KATNAL1: variants seen among roughly 807,000 people sequenced by gnomAD.
KATNAL1 encodes katanin catalytic subunit A1 like 1.
Under a neutral mutation model 55.2 loss-of-function variants are expected in KATNAL1, and 32 were observed. The observed-to-expected ratio is 0.58, with a 90% CI of 0.44 to 0.78. KATNAL1 has a LOEUF of 0.78. KATNAL1 is among the 30% of genes least tolerant of loss of function. KATNAL1 has a pLI of 0.00. For missense variants in KATNAL1, 466 were observed against 600.9 expected, an observed-to-expected ratio of 0.78 and a Z score of 2.35; for synonymous variants, 193 against 193.6, an observed-to-expected ratio of 1.00 and a Z score of 0.02.
intron 3 of KATNAL1, among the ~76,000 whole-genome samples, chr13:30,274,888 CAT>C (rs1328631440): frequency 1.7e-5 from 2 of 115,812 alleles, no homozygotes; most frequent in Admixed American, 1.9e-4. Context: ...TGTGCACACA[CAT>C]ACGCGCGCGC....
intron 10 of KATNAL1, among the ~76,000 whole-genome samples, 183 bp downstream of exon 10, chr13:30,210,133 T>C (rs1432192492): frequency 4.0e-5 from 6 of 151,054 alleles, no homozygotes; most frequent in African/African-American, 1.5e-4. Context: ...CTATATAATT[T>C]TCATCTCACA....
At chr13:30,212,294 T>C (rs907135080) in intron 9 of KATNAL1, among the ~76,000 whole-genome samples, 10 of 152,206 alleles carry the variant, frequency 6.6e-5, no homozygotes, top group Non-Finnish European at 1.3e-4. Flanking sequence ...TTGTAACATA[T>C]ATAAGCAACC....
intron 4 of KATNAL1, among the ~76,000 whole-genome samples, chr13:30,242,917 T>C (rs1877418893): frequency 6.6e-6 from 1 of 152,176 alleles, no homozygotes; most frequent in Non-Finnish European, 1.5e-5. Context: ...GGGTGACAGT[T>C]ATTCTTCATA....
intron 3 of KATNAL1, among the ~76,000 whole-genome samples, chr13:30,256,821 G>A (rs1878837830): frequency 6.6e-6 from 1 of 152,180 alleles, no homozygotes; most frequent in African/African-American, 2.4e-5. Context: ...GTCTATCTAT[G>A]AGGTAAACAT....
chr13:30,279,731 G>A (rs925656345), intron 3 of KATNAL1, among the ~76,000 whole-genome samples: 2 of 152,132 alleles, frequency 1.3e-5, no homozygotes, highest in African/African-American at 4.8e-5. Flanking sequence ...AGTTGTTAGA[G>A]TCTCCTCAAG....
In KATNAL1 at chr13:30,203,845, T is replaced by C. The variant is rs1872877756; in HGVS notation, c.*4695A>G. 6.6e-6 allele frequency: 1 copy of C among 152,128 alleles called. No individual in the cohort carries two copies. Among genetic ancestry groups the C allele is most frequent in the Non-Finnish European group, 1.5e-5 (1 of 68,008 alleles). 9.4% of individuals were successfully genotyped at this position (152,128 alleles called of 1,614,324 possible). On this transcript the variant is annotated 3_prime_UTR_variant, in exon 11 of 11. Transcript: ENST00000380615. ...TATCCTAATAATTTGATTATTAAAA[T>C]ACACAATTTCCACATTAAGAAACAA...
At chr13:30,217,854 C>T (rs1466158166) in intron 9 of KATNAL1, among the ~76,000 whole-genome samples, 2 of 152,148 alleles carry the variant, frequency 1.3e-5, no homozygotes, top group African/African-American at 4.8e-5. Flanking sequence ...GCCCCCACCA[C>T]CAGTCAGTCA....
At chr13:30,238,045 C>T (rs528450293) in intron 6 of KATNAL1, among the ~76,000 whole-genome samples, 1 of 152,274 alleles carries the variant, frequency 6.6e-6, no homozygotes, top group East Asian at 1.9e-4. Context: ...TCTGAACGTG[C>T]TCTTTGCCTC....
At chr13:30,238,299 A>T (rs112669232) in intron 6 of KATNAL1, among the ~76,000 whole-genome samples, 18 of 152,252 alleles carry the variant, frequency 1.2e-4, no homozygotes, top group African/African-American at 4.3e-4. Context: ...TGAGATAACC[A>T]TTATTATTCC....
rs779612220 is a variant in KATNAL1 at position 30,210,399 on chromosome 13, G to A, written c.1191C>T (p.Val397=). Residue 397 remains valine (V), a synonymous_variant, in exon 10 of 11, where the codon GTC becomes GTT. Transcript: ENST00000380615. ...AELLKINLRE[V]ELDPDIQLED... is the part of the protein sequence containing the mutation. The stretch of plus-strand genomic sequence containing the variant: ...CCAGTTGAATATCAGGATCTAATTC[G>A]ACCTCACGAAGGTTGATCTTCAGAA... The A allele has an allele frequency of 6.2e-6, 10 of 1,604,670 alleles. No homozygotes were observed. The highest frequency in any genetic ancestry group is 1.7e-5 in the Admixed American group (1 of 58,766).
intron 3 of KATNAL1, among the ~76,000 whole-genome samples, chr13:30,256,627 A>G (rs974823501): frequency 3.9e-5 from 6 of 152,176 alleles, no homozygotes; most frequent in Admixed American, 6.5e-5. Flanking sequence ...ACACATATGC[A>G]TAATTCAAAG....
chr13:30,274,185 A>G (rs1036233923), intron 3 of KATNAL1, among the ~76,000 whole-genome samples: 1 of 152,206 alleles, frequency 6.6e-6, no homozygotes, highest in Non-Finnish European at 1.5e-5. Flanking sequence ...CTTGCTCCCC[A>G]ACCTTCTAAT....
At chr13:30,274,939 A>G (rs1849755382) in intron 3 of KATNAL1, among the ~76,000 whole-genome samples, 1 of 151,666 alleles carries the variant, frequency 6.6e-6, no homozygotes, top group African/African-American at 2.4e-5. Context: ...ACACACACAC[A>G]CACACACACA....
At chr13:30,250,136 T>C (rs1397402150) in intron 4 of KATNAL1, among the ~76,000 whole-genome samples, 2 of 152,212 alleles carry the variant, frequency 1.3e-5, no homozygotes, top group Non-Finnish European at 2.9e-5. Context: ...TTGAAATCCA[T>C]CATACAGGTG....
chr13:30,217,047 TTC>T (rs1438925424), intron 9 of KATNAL1, among the ~76,000 whole-genome samples: 2 of 151,996 alleles, frequency 1.3e-5, no homozygotes, highest in African/African-American at 2.4e-5. Context: ...AGAAAGCATA[TTC>T]TGTTTCCCTA....
At chr13:30,255,264 T>A (rs1452786228) in intron 4 of KATNAL1, among the ~76,000 whole-genome samples, 183 bp downstream of exon 4, 3 of 152,210 alleles carry the variant, frequency 2.0e-5, no homozygotes, top group Non-Finnish European at 4.4e-5. Context: ...TTACTACGCC[T>A]CTGAGGTGAT....
chr13:30,252,297 C>T (rs985470678), intron 4 of KATNAL1, among the ~76,000 whole-genome samples: 1 of 152,174 alleles, frequency 6.6e-6, no homozygotes, highest in Non-Finnish European at 1.5e-5. Flanking sequence ...AGGATAAGTG[C>T]GCTCAAGGAA....
intron 1 of KATNAL1, among the ~76,000 whole-genome samples, chr13:30,291,663 G>C (rs1391952041): frequency 6.6e-6 from 1 of 152,150 alleles, no homozygotes; most frequent in African/African-American, 2.4e-5. Flanking sequence ...TTCAGGTGGG[G>C]TACTTCTAAG....
At chr13:30,279,275 TTTA>T (rs1881093000) in intron 3 of KATNAL1, among the ~76,000 whole-genome samples, 2 of 152,216 alleles carry the variant, frequency 1.3e-5, no homozygotes, top group Non-Finnish European at 2.9e-5. Context: ...GCAATGAAAG[TTTA>T]TTATTTAATT....
Sources: gnomAD v4.1 joint callset for allele counts (sites outside exome capture counted in the v4.1 genomes callset) on GRCh38, gnomAD v4.1.1 for gene constraint, MANE v1.5 for transcripts, NCBI Gene and HGNC (gene_info 2026-07-23, HGNC 2026-07-21) for gene names.